DMD: variants seen among roughly 807,000 people sequenced by gnomAD.
DMD encodes the protein dystrophin, also known as mutant dystrophin.
A neutral mutation model predicts 330.1 loss-of-function variants in DMD; 63 were observed. That is an observed-to-expected ratio of 0.19 (90% CI 0.16 to 0.24). DMD has a LOEUF of 0.24. DMD is among the 10% of genes least tolerant of loss of function. The probability of loss-of-function intolerance (pLI) is 1.00; values close to 1 mark genes in which losing one functional copy is unlikely to be tolerated. For synonymous variants in DMD, 1,223 were observed against 959.8 expected (o/e 1.27, Z -5.07); for missense variants, 3,344 against 2,684.1 (o/e 1.25, Z -5.43).
chrX:32,854,774 A>G (rs1055280606), intron 2 of DMD, among the ~76,000 whole-genome samples: 1 of 111,281 alleles, frequency 9.0e-6, no homozygotes, highest in Non-Finnish European at 1.9e-5. Flanking sequence ...ACATTGAAAC[A>G]CCTAATACTC....
chrX:33,048,099 T>A (rs986850527), intron 1 of DMD, among the ~76,000 whole-genome samples: 1 of 112,403 alleles, frequency 8.9e-6, no homozygotes, highest in East Asian at 2.8e-4. Context: ...AATATTTTTG[T>A]TAAGAAACAT....
intron 1 of DMD, among the ~76,000 whole-genome samples, chrX:33,281,290 CCT>C (rs1473576404): frequency 9.4e-6 from 1 of 106,221 alleles, no homozygotes; most frequent in Non-Finnish European, 1.9e-5. Context: ...TTCACTGCAA[CCT>C]CTCTCTCCCG....
At chrX:31,407,645 G>T (rs1164384861) in intron 60 of DMD, among the ~76,000 whole-genome samples, 3 of 78,565 alleles carry the variant, frequency 3.8e-5, no homozygotes, top group Admixed American at 1.3e-4. Flanking sequence ...CTAATTTTTT[G>T]TATTTTTTTT....
At chrX:33,154,472 T>C (rs750363067) in intron 1 of DMD, among the ~76,000 whole-genome samples, 51 of 111,808 alleles carry the variant, frequency 4.6e-4, no homozygotes, top group Admixed American at 4.4e-3. Context: ...CCTCAGTCTT[T>C]GAATTTAGTC....
chrX:32,866,414 CAGA>C (rs751650568), intron 2 of DMD, among the ~76,000 whole-genome samples: 4 of 111,742 alleles, frequency 3.6e-5, no homozygotes, highest in South Asian at 3.7e-4. Flanking sequence ...TGTTTCTACA[CAGA>C]AGATGTCTGA....
intron 9 of DMD, among the ~76,000 whole-genome samples, chrX:32,683,312 T>A (rs1602961557): frequency 1.8e-5 from 2 of 110,871 alleles, no homozygotes; most frequent in African/African-American, 6.6e-5. Context: ...CAAAGGATTA[T>A]AAATCATGCT....
intron 44 of DMD, among the ~76,000 whole-genome samples, chrX:31,970,732 T>C (rs951781488): frequency 3.1e-4 from 34 of 110,446 alleles, no homozygotes; most frequent in African/African-American, 9.2e-4. Context: ...CAGCCCTCGG[T>C]GTATATTGGG....
chrX:31,234,996 C>T (rs1056530118), intron 63 of DMD, among the ~76,000 whole-genome samples: 4 of 111,002 alleles, frequency 3.6e-5, no homozygotes, highest in East Asian at 2.8e-4. Context: ...GGTGATCAGA[C>T]GTCACATGGG....
Position 31,361,588 on chromosome X carries a change from G to A in DMD, c.9085-12954C>T, listed in dbSNP as rs192722288. Among the ~76,000 whole-genome samples the A allele has an allele frequency of 3.9e-4, 43 of 111,038 alleles. No homozygotes were observed. In the East Asian group the frequency reaches 0.012, roughly 30 times the overall value. On this transcript the variant is annotated intron_variant, in intron 60 of 78. Transcript: ENST00000357033. ...CACAGAACATCATTGTCCTAGGTCAGACTCAGTATCAGCAGCTTAGCATCT... is the reference window on the plus strand; with the variant it reads ...CACAGAACATCATTGTCCTAGGTCAAACTCAGTATCAGCAGCTTAGCATCT...
At chrX:32,848,532 T>C (rs1313760840) in intron 3 of DMD, among the ~76,000 whole-genome samples, 2 of 111,718 alleles carry the variant, frequency 1.8e-5, no homozygotes, top group Non-Finnish European at 3.8e-5. Flanking sequence ...TGTTCTTCTA[T>C]TAGTACAAGT....
chrX:31,627,102 T>C (rs1030922001), intron 55 of DMD, among the ~76,000 whole-genome samples: 1 of 112,563 alleles, frequency 8.9e-6, no homozygotes, highest in Non-Finnish European at 1.9e-5. Context: ...TGGAACTTTA[T>C]GGAAATAATT....
At chrX:32,803,821 G>A (rs1356483019) in intron 7 of DMD, among the ~76,000 whole-genome samples, 1 of 112,033 alleles carries the variant, frequency 8.9e-6, no homozygotes, top group East Asian at 2.8e-4. Context: ...TGATCTGAGA[G>A]GCTGTTATGA....
chrX:32,939,483 G>A (rs1344759459), intron 2 of DMD, among the ~76,000 whole-genome samples: 4 of 110,718 alleles, frequency 3.6e-5, no homozygotes, highest in South Asian at 3.7e-4. Context: ...CTCCTTACAC[G>A]TCAGTAAGCC....
intron 60 of DMD, among the ~76,000 whole-genome samples, chrX:31,430,960 G>A (rs1462819604): frequency 9.2e-6 from 1 of 108,201 alleles, no homozygotes; most frequent in African/African-American, 3.4e-5. Context: ...CTGCCACCAT[G>A]CCCGGCTAAT....
intron 9 of DMD, among the ~76,000 whole-genome samples, chrX:32,675,351 C>G (rs1313285718): frequency 9.0e-6 from 1 of 111,190 alleles, no homozygotes; most frequent in Non-Finnish European, 1.9e-5. Context: ...ATCTGAATCT[C>G]TTTCAAGGAA....
chrX:33,176,792 C>A (rs760849282), intron 1 of DMD, among the ~76,000 whole-genome samples: 1 of 110,416 alleles, frequency 9.1e-6, no homozygotes. Context: ...AAAAATTAGC[C>A]GGTCATGGTG....
chrX:32,568,745 C>T (rs774919195), intron 15 of DMD, among the ~76,000 whole-genome samples: 2 of 110,432 alleles, frequency 1.8e-5, no homozygotes, highest in Non-Finnish European at 3.8e-5. Flanking sequence ...AGTCATCTCC[C>T]AGTTCCAGAA....
intron 3 of DMD, among the ~76,000 whole-genome samples, chrX:32,846,708 A>T (rs1001671539): frequency 2.0e-5 from 2 of 98,827 alleles, no homozygotes; most frequent in African/African-American, 7.5e-5. Context: ...GAGGAAAAAA[A>T]TAAGACTTTA....
intron 55 of DMD, among the ~76,000 whole-genome samples, chrX:31,520,976 G>A (rs773259171): frequency 5.4e-5 from 6 of 111,317 alleles, no homozygotes; most frequent in East Asian, 2.8e-4. Context: ...CACCGCGCCC[G>A]GCCGCAATGC....
Sources: allele counts gnomAD v4.1 joint callset (sites outside exome capture counted in the v4.1 genomes callset), GRCh38; gene constraint gnomAD v4.1.1; transcripts MANE v1.5; gene names NCBI Gene and HGNC (gene_info 2026-07-23, HGNC 2026-07-21).